The following CXCR5 variants were observed in gnomAD, a reference collection of about 807,000 sequenced individuals.
The protein encoded by CXCR5 is C-X-C chemokine receptor type 5.
Under a neutral mutation model 5.6 loss-of-function variants are expected in CXCR5, and 3 were observed. That is an observed-to-expected ratio of 0.54 (90% CI 0.24 to 1.39). The LOEUF is 1.39. Among genes scored for constraint, CXCR5 ranks in the 40% most tolerant of loss-of-function variants. The pLI is 0.16. For synonymous variants in CXCR5, 218 were observed against 219.9 expected, an observed-to-expected ratio of 0.99 and a Z score of 0.08; for missense variants, 333 against 494.6, an observed-to-expected ratio of 0.67 and a Z score of 3.10.
At chr11:118,892,673 G>C (rs868557943) in intron 1 of CXCR5, among the ~76,000 whole-genome samples, 2 of 147,960 alleles carry the variant, frequency 1.4e-5, no homozygotes, top group African/African-American at 2.4e-5. Context: ...GTGATGGGGG[G>C]GGGGTGATGG....
chr11:118,885,519 C>A (rs1268949589), intron 1 of CXCR5, among the ~76,000 whole-genome samples: 1 of 152,206 alleles, frequency 6.6e-6, no homozygotes, highest in Non-Finnish European at 1.5e-5. Flanking sequence ...GCAATGTGCT[C>A]CCACCCTGGC....
At chr11:118,891,635 G>T (rs952289293) in intron 1 of CXCR5, among the ~76,000 whole-genome samples, 1 of 152,030 alleles carries the variant, frequency 6.6e-6, no homozygotes, top group Non-Finnish European at 1.5e-5. Flanking sequence ...TTGGGAGGCC[G>T]AGGCGGGGGG....
intron 1 of CXCR5, among the ~76,000 whole-genome samples, chr11:118,890,498 AAGGGTGGAAATT>A (rs1939793165): frequency 6.6e-6 from 1 of 151,686 alleles, no homozygotes; most frequent in Non-Finnish European, 1.5e-5. Flanking sequence ...GCTTTGGAGG[AAGGGTGGAAATT>A]AGGCAAATTT....
chr11:118,884,010 G>A lies in CXCR5; in HGVS notation c.51+18G>A. 1.2e-6 allele frequency: 2 copies of A among 1,611,186 alleles called. No homozygotes were observed. Among genetic ancestry groups the A allele is most frequent in the South Asian group, 2.2e-5 (2 of 90,504 alleles). On this transcript the variant is annotated intron_variant, in intron 1 of 1. Coordinates refer to ENST00000292174, the MANE Select transcript of CXCR5 (RefSeq NM_001716.5). ...AGGACCTGGTGAGTAGACACGGGTA[G>A]CTTCCTGTCGCCGAGGCCCTGTCTG...
Position 118,894,145 on chromosome 11 carries a change from C to A in CXCR5, c.601C>A (p.Arg201Ser), listed in dbSNP as rs200959025. The change falls in exon 2 of 2, where the codon CGT becomes AGT. Residue 201 changes from arginine (R) to serine (S), a missense_variant. Arg to Ser is a moderately radical substitution (Grantham distance 110). Transcript: ENST00000292174. The surrounding 1 kb of genome is among the most constrained non-coding windows in gnomAD (Gnocchi z 6.1). ...SQGHHNNSLPRCTFSQENQAE... is the reference protein window; with the variant it reads ...SQGHHNNSLPSCTFSQENQAE... ...AGGCCATCACAACAACTCCCTGCCA[C>A]GTTGCACCTTCTCCCAAGAGAACCA... 419 of 1,614,114 alleles carry A rather than the reference C, an allele frequency of 2.6e-4. 5 individuals carry two copies. The South Asian group carries it at 3.5e-3, about 14-fold the overall frequency.
intron 1 of CXCR5, among the ~76,000 whole-genome samples, chr11:118,885,175 G>A (rs1227797403): frequency 6.6e-6 from 1 of 152,152 alleles, no homozygotes; most frequent in Non-Finnish European, 1.5e-5. Context: ...AGTGTAAGTA[G>A]GACACGGGGA....
intron 1 of CXCR5, chr11:118,885,854 A>G (rs1939702390): frequency 6.4e-6 from 1 of 155,238 alleles, no homozygotes; most frequent in South Asian, 1.9e-4. Flanking sequence ...GCATTCCAAT[A>G]TCTGGATCCC....
In CXCR5 at chr11:118,886,658, C is replaced by T. The variant is rs1156725422; in HGVS notation, c.51+2666C>T. On this transcript the variant is annotated intron_variant, in intron 1 of 1. Transcript: ENST00000292174. ...GAGCAGACCCTGTCTATGCGACCCT[C>T]GATCTGAGAGCCTCCTTCCAACAGA... 7 of 296,780 alleles carry T rather than the reference C, an allele frequency of 2.4e-5. No individual in the cohort carries two copies. The East Asian group carries it at 2.9e-4, about 12-fold the overall frequency. 18.4% of individuals were successfully genotyped at this position (296,780 alleles called of 1,614,324 possible). A position where few individuals can be genotyped will look rare whatever the true frequency, so the allele number is the denominator to read the frequency against.
Position 118,894,933 on chromosome 11 carries a change from G to A in CXCR5, c.*270G>A. The stretch of plus-strand genomic sequence containing the variant: ...TGTCCTTACCCATCTGCACCCCCCT[G>A]GGCTGAGAGAACCTCACGCACCTCC... On this transcript the variant is annotated 3_prime_UTR_variant, in exon 2 of 2. Transcript: ENST00000292174. This position sits in a 1 kb window ranked among gnomAD's most constrained non-coding sequence, Gnocchi z 6.1. 2.5e-6 allele frequency: 1 copy of A among 397,530 alleles called. No individual in the cohort carries two copies. Among genetic ancestry groups the A allele is most frequent in the Non-Finnish European group, 4.7e-6 (1 of 214,406 alleles). 24.6% of individuals were successfully genotyped at this position (397,530 alleles called of 1,614,324 possible).
chr11:118,894,809 A>C lies in CXCR5; in HGVS notation c.*146A>C. The C allele has an allele frequency of 1.4e-6, 1 of 695,274 alleles. No individual in the cohort carries two copies. The highest frequency in any genetic ancestry group is 2.1e-6 in the Non-Finnish European group (1 of 465,276). The allele number at this position is 695,274 out of a possible 1,614,324, so 43.1% of individuals were successfully genotyped here. ...CTCATTTGGGGTAGCTAGAGGAACCAACCCCCATTTCTAGAACATCCCTGC... is the reference window on the plus strand; with the variant it reads ...CTCATTTGGGGTAGCTAGAGGAACCCACCCCCATTTCTAGAACATCCCTGC... On this transcript the variant is annotated 3_prime_UTR_variant, in exon 2 of 2. Transcript: ENST00000292174. The surrounding 1 kb of genome is among the most constrained non-coding windows in gnomAD (Gnocchi z 6.1).
chr11:118,894,029 G>A lies in CXCR5; in HGVS notation c.485G>A (p.Arg162His), dbSNP rs764867894. Reference sequence around the variant, plus strand: ...GCCGTCCATGCCTACCGCCACCGCCGCCTCCTCTCCATCCACATCACCTGT... The same window carrying A: ...GCCGTCCATGCCTACCGCCACCGCCACCTCCTCTCCATCCACATCACCTGT... ...VHAVHAYRHR[R>H]LLSIHITCGT... is the part of the protein sequence containing the mutation. The change falls in exon 2 of 2, where the codon CGC (arginine) becomes CAC (histidine). Residue 162 changes from arginine (R) to histidine (H), a missense_variant. Coordinates refer to ENST00000292174, the MANE Select transcript of CXCR5 (RefSeq NM_001716.5). This position sits in a 1 kb window ranked among gnomAD's most constrained non-coding sequence, Gnocchi z 6.1. 6.2e-6 allele frequency: 10 copies of A among 1,613,658 alleles called. No homozygotes were observed. The highest frequency in any genetic ancestry group is 2.2e-5 in the East Asian group (1 of 44,864).
At position 118,893,664 on chromosome 11, in the gene CXCR5, C is replaced by T. The variant is rs906674109; in HGVS notation, c.120C>T (p.Ala40=). The part of the protein sequence containing the change: ...TSLVENHLCP[A]TEGPLMASFK... ...TGGTGGAAAATCATCTCTGCCCTGC[C>T]ACAGAGGGGCCCCTCATGGCCTCCT... is the stretch of plus-strand genomic sequence containing the variant. The change falls in exon 2 of 2, where the codon GCC becomes GCT. Residue 40 remains alanine, a synonymous_variant. Coordinates refer to ENST00000292174, the MANE Select transcript of CXCR5 (RefSeq NM_001716.5). The surrounding 1 kb of genome is among the most constrained non-coding windows in gnomAD (Gnocchi z 5.7). The T allele has an allele frequency of 1.9e-6, 3 of 1,613,556 alleles. No homozygotes were observed. The highest frequency in any genetic ancestry group is 1.7e-5 in the Admixed American group (1 of 60,012).
chr11:118,884,208 T>G (rs1006701353), intron 1 of CXCR5, among the ~76,000 whole-genome samples: 1 of 152,184 alleles, frequency 6.6e-6, no homozygotes, highest in Non-Finnish European at 1.5e-5. Context: ...GGAGACATCC[T>G]TTAGAGGAAG....
At chr11:118,891,871 CAAAAAA>C (rs754547926) in intron 1 of CXCR5, among the ~76,000 whole-genome samples, 13 of 34,614 alleles carry the variant, frequency 3.8e-4, no homozygotes, top group Admixed American at 1.4e-3. Flanking sequence ...AACTCCCCCT[CAAAAAA>C]AAAAAAAAAA....
intron 1 of CXCR5, among the ~76,000 whole-genome samples, chr11:118,890,424 T>C (rs1390602752): frequency 6.6e-6 from 1 of 151,990 alleles, no homozygotes; most frequent in African/African-American, 2.4e-5. Flanking sequence ...ACACGCATCA[T>C]AAGGAGAAGA....
Position 118,883,901 on chromosome 11 carries a change from TA to T in CXCR5, c.-39del. On this transcript the variant is annotated 5_prime_UTR_variant, in exon 1 of 2. Transcript: ENST00000292174. ...GCACCTGGCGGGGAGCCTCTCAACA[TA>T]AGACAGTGACCAGTCTGGTGACTCA... The T allele has an allele frequency of 6.3e-7, 1 of 1,599,338 alleles. No homozygotes were observed. The highest frequency in any genetic ancestry group is 8.5e-7 in the Non-Finnish European group (1 of 1,171,224).
intron 1 of CXCR5, among the ~76,000 whole-genome samples, chr11:118,888,104 G>A (rs1939745310): frequency 6.6e-6 from 1 of 152,096 alleles, no homozygotes; most frequent in Admixed American, 6.5e-5. Context: ...GGGCAGGACA[G>A]ACAGAGAATC....
rs1048785828 is a variant in CXCR5 at position 118,897,096 on chromosome 11, G to C, written c.*2433G>C. ...CCTTGCCGGTGAGTGGGCAGGCAGA[G>C]AGGAGGCGGCAGGATGCTGTTTCCC... On this transcript the variant is annotated 3_prime_UTR_variant, in exon 2 of 2. Coordinates refer to ENST00000292174, the MANE Select transcript of CXCR5 (RefSeq NM_001716.5). 6.5e-6 allele frequency: 1 copy of C among 153,888 alleles called. No homozygotes were observed. Among genetic ancestry groups the C allele is most frequent in the East Asian group, 1.9e-4 (1 of 5,222 alleles). 9.5% of individuals were successfully genotyped at this position (153,888 alleles called of 1,614,324 possible).
At chr11:118,889,821 C>G (rs1438570677) in intron 1 of CXCR5, among the ~76,000 whole-genome samples, 7 of 152,130 alleles carry the variant, frequency 4.6e-5, no homozygotes, top group African/African-American at 1.2e-4. Flanking sequence ...GATGGGAGCC[C>G]TAGGGAGATG....
Sources: allele counts gnomAD v4.1 joint callset (sites outside exome capture counted in the v4.1 genomes callset), GRCh38; gene constraint gnomAD v4.1.1; non-coding constraint Gnocchi (gnomAD v3.1); transcripts MANE v1.5; gene names NCBI Gene and HGNC (gene_info 2026-07-23, HGNC 2026-07-21).